STK24: variants seen among roughly 807,000 people sequenced by gnomAD.
The protein encoded by STK24 is serine/threonine-protein kinase 24.
In STK24, 21 loss-of-function variants were observed where a neutral mutation model predicts 55.6. The observed-to-expected ratio is 0.38, with a 90% confidence interval of 0.27 to 0.54. The LOEUF (loss-of-function observed/expected upper bound fraction) is 0.54. Ranked by LOEUF, STK24 falls within the 20% of genes least tolerant of loss-of-function variation. The probability of loss-of-function intolerance (pLI) is 0.79; values close to 1 mark genes in which losing one functional copy is unlikely to be tolerated. For missense variants in STK24, 383 were observed against 538.4 expected, an observed-to-expected ratio of 0.71 and a Z score of 2.86; for synonymous variants, 200 against 215.2, an observed-to-expected ratio of 0.93 and a Z score of 0.62.
At chr13:98,511,033 C>CT (rs1283352357) in intron 2 of STK24, among the ~76,000 whole-genome samples, 4 of 152,294 alleles carry the variant, frequency 2.6e-5, no homozygotes, top group African/African-American at 9.6e-5. Context: ...GTGTCTCACT[C>CT]TGTTACCCAG....
chr13:98,555,268 A>G (rs908880992), intron 1 of STK24, among the ~76,000 whole-genome samples: 3 of 151,878 alleles, frequency 2.0e-5, no homozygotes, highest in South Asian at 2.1e-4. Context: ...ACACAACCCT[A>G]TTGTTGGATA....
intron 1 of STK24, among the ~76,000 whole-genome samples, chr13:98,535,396 TATACAC>T (rs1259909664): frequency 1.7e-5 from 1 of 60,090 alleles, no homozygotes; most frequent in Non-Finnish European, 2.9e-5. Context: ...TATATGTGTG[TATACAC>T]ACACACACAC....
At chr13:98,485,857 C>A (rs1224816167) in intron 2 of STK24, among the ~76,000 whole-genome samples, 2 of 152,246 alleles carry the variant, frequency 1.3e-5, no homozygotes, top group African/African-American at 2.4e-5. Flanking sequence ...AGCAGCTGCA[C>A]CACCGCCTGG....
At chr13:98,485,810 G>A (rs1474575414) in intron 2 of STK24, among the ~76,000 whole-genome samples, 7 of 152,244 alleles carry the variant, frequency 4.6e-5, no homozygotes, top group South Asian at 2.1e-4. Context: ...GCTGAAGGTC[G>A]GCCCGGGGGA....
At chr13:98,477,149 C>A (rs762637936) in intron 3 of STK24, among the ~76,000 whole-genome samples, 4 of 152,192 alleles carry the variant, frequency 2.6e-5, no homozygotes, top group Non-Finnish European at 5.9e-5. Context: ...AAATGCATAT[C>A]AAAACTACTA....
At chr13:98,544,407 G>A (rs766387848) in intron 1 of STK24, among the ~76,000 whole-genome samples, 6 of 152,232 alleles carry the variant, frequency 3.9e-5, no homozygotes, top group Non-Finnish European at 8.8e-5. Flanking sequence ...TTGCACTGTG[G>A]GCCCCAGGCA....
Position 98,465,136 on chromosome 13 carries a change from GAACA to G in STK24, c.783+1236_783+1239del, listed in dbSNP as rs1893880451. On this transcript the variant is annotated intron_variant, in intron 6 of 10. Coordinates refer to ENST00000539966, the MANE Select transcript of STK24 (RefSeq NM_001032296.4). ...AAGGAAACCAGCATGGCCCAAATGG[GAACA>G]GACAGCAGGAACACCCAAACACCGA... 5.9e-5 allele frequency among the ~76,000 whole-genome samples: 9 copies of G among 152,282 alleles called. No homozygotes were observed. In the South Asian group the frequency reaches 1.9e-3, roughly 32 times the overall value.
intron 1 of STK24, among the ~76,000 whole-genome samples, chr13:98,569,830 T>C (rs1204694961): frequency 7.2e-6 from 1 of 139,838 alleles, no homozygotes; most frequent in African/African-American, 2.7e-5. Flanking sequence ...GTCCAAAGTC[T>C]ATAGACAATG....
intron 1 of STK24, among the ~76,000 whole-genome samples, chr13:98,523,641 C>G (rs1219842317): frequency 5.9e-5 from 9 of 152,194 alleles, no homozygotes; most frequent in Non-Finnish European, 7.4e-5. Flanking sequence ...TTCCTCGACG[C>G]CAGCTGAGCT....
chr13:98,520,380 G>T (rs2139383513), intron 1 of STK24, among the ~76,000 whole-genome samples: 1 of 152,302 alleles, frequency 6.6e-6, no homozygotes, highest in South Asian at 2.1e-4. Flanking sequence ...GAGCAAGGAA[G>T]GACTCTAAGA....
chr13:98,561,487 C>T (rs1305630179), intron 1 of STK24, among the ~76,000 whole-genome samples: 2 of 151,968 alleles, frequency 1.3e-5, no homozygotes, highest in East Asian at 1.9e-4. Flanking sequence ...GAGGCTGAGG[C>T]GCGAGAATCA....
chr13:98,529,415 C>T lies in STK24; in HGVS notation c.43-9942G>A, dbSNP rs147947013. ...GTGACCTGCTGTCAGAGTTGATCTT[C>T]CTAAAAGCTCACGGTTTCCTTCACT... On this transcript the variant is annotated intron_variant, in intron 1 of 10. Transcript: ENST00000539966. Among the ~76,000 whole-genome samples, 1,242 of 152,242 alleles carry T rather than the reference C, an allele frequency of 8.2e-3. 14 individuals carry two copies. Among genetic ancestry groups the T allele is most frequent in the Admixed American group, 0.015 (222 of 15,298 alleles).
chr13:98,570,102 C>T (rs1897700531), intron 1 of STK24, among the ~76,000 whole-genome samples: 1 of 152,200 alleles, frequency 6.6e-6, no homozygotes, highest in Non-Finnish European at 1.5e-5. Flanking sequence ...TGGTCTTGAA[C>T]TCCTGACTTC....
rs373472101 is a variant in STK24, at chr13:98,466,530, A to G, written c.629T>C (p.Ile210Thr). Reference sequence around the variant, plus strand: ...AGGTGGTTCCCCTCTTGCAAGTTCAATAGCTGTTATGCCCAGGGACCAGAT... The same window carrying G: ...AGGTGGTTCCCCTCTTGCAAGTTCAGTAGCTGTTATGCCCAGGGACCAGAT... ...ADIWSLGITA[I>T]ELARGEPPHS... Residue 210 changes from isoleucine to threonine, a missense_variant, in exon 6 of 11, where the codon ATT becomes ACT. By Grantham distance (89) the Ile-to-Thr change is moderately conservative. Coordinates refer to ENST00000539966, the MANE Select transcript of STK24 (RefSeq NM_001032296.4). The G allele has an allele frequency of 6.2e-7, 1 of 1,614,076 alleles. No individual in the cohort carries two copies. The highest frequency in any genetic ancestry group is 8.5e-7 in the Non-Finnish European group (1 of 1,180,042).
At position 98,447,372 on chromosome 13, in the gene STK24, G is replaced by C. The variant is rs1437642887; in HGVS notation, c.*5801C>G. ...TCACCTGAAAAAGGAACCTAGAGGAGAGCCATTCTCAAATCTGATCCTGGA... is the reference window on the plus strand; with the variant it reads ...TCACCTGAAAAAGGAACCTAGAGGACAGCCATTCTCAAATCTGATCCTGGA... On this transcript the variant is annotated 3_prime_UTR_variant, in exon 11 of 11. Transcript: ENST00000539966. The C allele has an allele frequency of 3.3e-5, 5 of 152,538 alleles. No homozygotes were observed. The highest frequency in any genetic ancestry group is 1.3e-4 in the Admixed American group (2 of 15,294). 9.4% of individuals were successfully genotyped at this position (152,538 alleles called of 1,614,324 possible). A position where few individuals can be genotyped will look rare whatever the true frequency, so the allele number is the denominator to read the frequency against.
intron 1 of STK24, among the ~76,000 whole-genome samples, chr13:98,544,497 G>C (rs576034616): frequency 6.0e-4 from 92 of 152,340 alleles, no homozygotes; most frequent in Non-Finnish European, 1.1e-3. Context: ...TCATCCCGCC[G>C]GGTAGAGCAG....
At chr13:98,576,661 G>A (rs999022588) in intron 1 of STK24, 84 bp downstream of exon 1, 11 of 1,241,050 alleles carry the variant, frequency 8.9e-6, no homozygotes, top group Admixed American at 7.8e-5. Context: ...CCGGCTGAGC[G>A]TAGGGGGACG....
At chr13:98,487,675 G>A (rs1271080160) in intron 2 of STK24, among the ~76,000 whole-genome samples, 2 of 152,160 alleles carry the variant, frequency 1.3e-5, no homozygotes, top group Non-Finnish European at 2.9e-5. Context: ...TTCTTAAAGA[G>A]CAGTCCATAT....
At chr13:98,544,201 C>T (rs1896972595) in intron 1 of STK24, among the ~76,000 whole-genome samples, 5 of 152,256 alleles carry the variant, frequency 3.3e-5, no homozygotes, top group African/African-American at 1.2e-4. Context: ...GGCACAATGA[C>T]CTCTGCCCCA....
Sources: allele counts gnomAD v4.1 joint callset (sites outside exome capture counted in the v4.1 genomes callset), GRCh38; gene constraint gnomAD v4.1.1; transcripts MANE v1.5; gene names NCBI Gene and HGNC (gene_info 2026-07-23, HGNC 2026-07-21).